The following C4orf50 variants were observed in gnomAD, a reference collection of about 807,000 sequenced individuals.
The protein encoded by C4orf50 is uncharacterized protein C4orf50.
C4orf50 carries 80 observed loss-of-function variants against 77.2 expected under a neutral mutation model. The observed-to-expected ratio is 1.04, with a 90% CI of 0.87 to 1.25. The LOEUF is 1.25. C4orf50 is among the 50% of genes most tolerant of loss of function. The probability of loss-of-function intolerance (pLI) is 0.00; values close to 1 mark genes in which losing one functional copy is unlikely to be tolerated. For missense variants in C4orf50, 1,257 were observed against 1,152.9 expected, an observed-to-expected ratio of 1.09 and a Z score of -1.31; for synonymous variants, 532 against 465.3, an observed-to-expected ratio of 1.14 and a Z score of -1.84.
intron 28 of C4orf50, among the ~76,000 whole-genome samples, chr4:5,985,874 C>T (rs1397230073): frequency 1.3e-5 from 2 of 152,114 alleles, no homozygotes; most frequent in African/African-American, 2.4e-5. Context: ...GAGGTTGAGG[C>T]AGGAGAATCA....
At chr4:5,961,522 T>C (rs1719275226) in intron 33 of C4orf50, among the ~76,000 whole-genome samples, 1 of 152,212 alleles carries the variant, frequency 6.6e-6, no homozygotes, top group Non-Finnish European at 1.5e-5. Flanking sequence ...AGATAAGTGC[T>C]ATTATTATCA....
rs371493179 is a variant in C4orf50 at position 5,916,993 on chromosome 4, C to T, written c.*2475-18805G>A. On this transcript the variant is annotated intron_variant, in intron 7 of 7. Coordinates refer to the C4orf50 transcript ENST00000324058. The surrounding 1 kb of genome is among the most constrained non-coding windows in gnomAD (Gnocchi z 4.4). ...CTAGAAGTTGGAAGTTTCCCTGGTT[C>T]GACACCAAATTAGCCAAACCTAAGT... 1.8e-4 allele frequency among the ~76,000 whole-genome samples: 27 copies of T among 152,274 alleles called. No individual in the cohort carries two copies. Among genetic ancestry groups the T allele is most frequent in the Middle Eastern group, 6.8e-3 (2 of 294 alleles).
At chr4:5,995,474 AACAC>A (rs55858229) in intron 25 of C4orf50, among the ~76,000 whole-genome samples, 36,322 of 133,756 alleles carry the variant, frequency 0.27, 5,253 homozygotes, top group Non-Finnish European at 0.33. Flanking sequence ...TGGGACTGGA[AACAC>A]ACACACACAC....
chr4:5,994,576 T>A (rs1721475991), intron 25 of C4orf50, 100 bp from the exon 4 acceptor site: 1 of 397,928 alleles, frequency 2.5e-6, no homozygotes, highest in Non-Finnish European at 4.4e-6. Flanking sequence ...GGAGCTTGAG[T>A]CTCTTCCACA....
chr4:6,016,793 C>T (rs1266407619), intron 23 of C4orf50, among the ~76,000 whole-genome samples: 4 of 152,146 alleles, frequency 2.6e-5, no homozygotes, highest in African/African-American at 9.7e-5. Flanking sequence ...TGAATTTCTT[C>T]ATGCATAAAA....
chr4:5,923,089 C>T (rs534338087), intron 7 of C4orf50, among the ~76,000 whole-genome samples: 70 of 152,312 alleles, frequency 4.6e-4, no homozygotes, highest in African/African-American at 1.3e-3. Context: ...GGAGTAGACG[C>T]GATTTTCCCT....
downstream of C4orf50, among the ~76,000 whole-genome samples, chr4:5,954,013 G>A (rs915413734): frequency 6.6e-6 from 1 of 152,240 alleles, no homozygotes; most frequent in Non-Finnish European, 1.5e-5. This position sits in a 1 kb window ranked among gnomAD's most constrained non-coding sequence, Gnocchi z 4.7. Context: ...ACAACCAGAT[G>A]CAGTAGCTCT....
Position 6,009,473 on chromosome 4 carries a change from C to A in C4orf50, c.427-941G>T, listed in dbSNP as rs543757871. On this transcript the variant is annotated intron_variant, in intron 24 of 33. Transcript: ENST00000531445. The surrounding 1 kb of genome is among the most constrained non-coding windows in gnomAD (Gnocchi z 5.6). ...AGCTTTGTTTGATAGTTTTGGGGAA[C>A]GTGGGGCAGATAAAAGTCAGGGTCA... is the stretch of plus-strand genomic sequence containing the variant. 1.3e-5 allele frequency among the ~76,000 whole-genome samples: 2 copies of A among 152,116 alleles called. No individual in the cohort carries two copies. Among genetic ancestry groups the A allele is most frequent in the African/African-American group, 2.4e-5 (1 of 41,428 alleles).
At chr4:6,004,613 GTGGTGA>G (rs1722158876) in intron 25 of C4orf50, among the ~76,000 whole-genome samples, 4 of 117,438 alleles carry the variant, frequency 3.4e-5, no homozygotes, top group South Asian at 3.4e-4. Flanking sequence ...TGATGATGTG[GTGGTGA>G]TGGTGATGGT....
chr4:5,956,953 G>A (rs1718995504), downstream of C4orf50: 1 of 152,446 alleles, frequency 6.6e-6, no homozygotes, highest in African/African-American at 2.4e-5. Flanking sequence ...TGGGTGGCAA[G>A]GAGCCACCAT....
rs549465716 is a variant in C4orf50 at position 5,936,559 on chromosome 4, T to C, written c.*2474+20342A>G. On this transcript the variant is annotated intron_variant, in intron 7 of 7. Transcript: ENST00000324058. ...CCTGGGCAACAATGGCAAGACGCCATCTCAAAAAAAAAAAAAAAAAAAAAG... is the reference window on the plus strand; with the variant it reads ...CCTGGGCAACAATGGCAAGACGCCACCTCAAAAAAAAAAAAAAAAAAAAAG... Among the ~76,000 whole-genome samples the C allele has an allele frequency of 8.7e-3, 315 of 36,090 alleles. 1 individual carries two copies. The highest frequency in any genetic ancestry group is 0.031 in the African/African-American group (308 of 9,852). The allele number at this position is 36,090 out of a possible 152,430, so 23.7% of individuals were successfully genotyped here. A position where few individuals can be genotyped will look rare whatever the true frequency, so the allele number is the denominator to read the frequency against.
chr4:5,986,256 C>T (rs1330587180), intron 28 of C4orf50, among the ~76,000 whole-genome samples: 1 of 152,124 alleles, frequency 6.6e-6, no homozygotes, highest in African/African-American at 2.4e-5. Context: ...GTCAATAAAA[C>T]AAGTCTCAAC....
rs1425067280 is a variant in C4orf50 at position 5,919,896 on chromosome 4, C to G, written c.*2475-21708G>C. On this transcript the variant is annotated intron_variant, in intron 7 of 7. Coordinates refer to the C4orf50 transcript ENST00000324058. The surrounding 1 kb of genome is among the most constrained non-coding windows in gnomAD (Gnocchi z 6.5). ...TGGGTTCCACATCCATCGATTCAAC[C>G]AACCAGGGATTGAAAATACTCAAAG... Among the ~76,000 whole-genome samples, 2 of 152,188 alleles carry G rather than the reference C, an allele frequency of 1.3e-5. No individual in the cohort carries two copies. The highest frequency in any genetic ancestry group is 4.8e-5 in the African/African-American group (2 of 41,450).
intron 28 of C4orf50, among the ~76,000 whole-genome samples, chr4:5,987,130 G>A (rs1445562988): frequency 6.6e-6 from 1 of 152,004 alleles, no homozygotes; most frequent in African/African-American, 2.4e-5. Context: ...ATATAATAAG[G>A]CCTCGTACGG....
At position 6,009,941 on chromosome 4, in the gene C4orf50, A is replaced by C. The variant is rs1722421475; in HGVS notation, c.427-1409T>G. Among the ~76,000 whole-genome samples the C allele has an allele frequency of 6.6e-6, 1 of 152,174 alleles. No homozygotes were observed. The highest frequency in any genetic ancestry group is 1.5e-5 in the Non-Finnish European group (1 of 68,028). On this transcript the variant is annotated intron_variant, in intron 24 of 33. Transcript: ENST00000531445. This position sits in a 1 kb window ranked among gnomAD's most constrained non-coding sequence, Gnocchi z 5.6. Reference sequence around the variant, plus strand: ...AGTCTTTCCCGGGAGCATACACAGCACATGAGACAGATTTAATAAGACGAC... The same window carrying C: ...AGTCTTTCCCGGGAGCATACACAGCCCATGAGACAGATTTAATAAGACGAC...
At chr4:6,002,898 T>C (rs989105480) in intron 25 of C4orf50, among the ~76,000 whole-genome samples, 3 of 152,206 alleles carry the variant, frequency 2.0e-5, no homozygotes, top group African/African-American at 7.2e-5. Flanking sequence ...GCCTCCTCTA[T>C]GAAGCAGACA....
intron 7 of C4orf50, among the ~76,000 whole-genome samples, chr4:5,924,053 G>A (rs1172451278): frequency 6.6e-6 from 1 of 152,212 alleles, no homozygotes; most frequent in East Asian, 1.9e-4. Context: ...ACCTACACCA[G>A]TGGTTTGCCA....
intron 7 of C4orf50, among the ~76,000 whole-genome samples, chr4:5,924,427 G>A (rs994926245): frequency 1.3e-5 from 2 of 152,160 alleles, no homozygotes; most frequent in African/African-American, 4.8e-5. Flanking sequence ...GCGAGAACTG[G>A]GACAGGCACA....
intron 7 of C4orf50, among the ~76,000 whole-genome samples, chr4:5,936,268 A>C (rs934022664): frequency 1.3e-5 from 2 of 152,044 alleles, no homozygotes; most frequent in Non-Finnish European, 2.9e-5. Flanking sequence ...ATAGCTTAGA[A>C]AGACAGAAAG....
Sources: allele counts gnomAD v4.1 joint callset (sites outside exome capture counted in the v4.1 genomes callset), GRCh38; gene constraint gnomAD v4.1.1; non-coding constraint Gnocchi (gnomAD v3.1); transcripts MANE v1.5; gene names NCBI Gene and HGNC (gene_info 2026-07-23, HGNC 2026-07-21).